The following ACSBG1 variants were observed in gnomAD, a reference collection of about 807,000 sequenced individuals.
ACSBG1 encodes long-chain-fatty-acid--CoA ligase ACSBG1.
ACSBG1 carries 39 observed loss-of-function variants against 80.2 expected under a neutral mutation model. The observed-to-expected ratio is 0.49, with a 90% CI of 0.38 to 0.64. The LOEUF (loss-of-function observed/expected upper bound fraction) is 0.64. ACSBG1 is among the 30% of genes least tolerant of loss of function. ACSBG1 has a pLI of 0.00. For missense variants in ACSBG1, 828 were observed against 966.4 expected (o/e 0.86, Z 1.90); for synonymous variants, 392 against 379.5 (o/e 1.03, Z -0.38).
At chr15:78,224,003 G>A (rs1038928628) in intron 1 of ACSBG1, among the ~76,000 whole-genome samples, 31 of 152,318 alleles carry the variant, frequency 2.0e-4, no homozygotes, top group African/African-American at 7.2e-4. Flanking sequence ...CCTGGAGGAA[G>A]AGCAGTCCTC....
chr15:78,220,599 A>G (rs2075352446), intron 1 of ACSBG1, among the ~76,000 whole-genome samples: 1 of 152,224 alleles, frequency 6.6e-6, no homozygotes. Flanking sequence ...TAGAATATAT[A>G]AGGAACTCTT....
Position 78,196,020 on chromosome 15 carries a change from C to T in ACSBG1, c.233-1294G>A, listed in dbSNP as rs918341165. ...GCCCATTCCTCCTCCTGTGGAGGGC[C>T]GGAAGTAGGGATGACAAGGACATAT... On this transcript the variant is annotated intron_variant, in intron 2 of 13. Coordinates refer to ENST00000258873, the MANE Select transcript of ACSBG1 (RefSeq NM_015162.5). Among the ~76,000 whole-genome samples, 11 of 152,302 alleles carry T rather than the reference C, an allele frequency of 7.2e-5. No individual in the cohort carries two copies. The East Asian group carries it at 7.7e-4, about 11-fold the overall frequency.
chr15:78,215,747 A>G (rs541831927), intron 1 of ACSBG1, among the ~76,000 whole-genome samples: 77 of 130,714 alleles, frequency 5.9e-4, no homozygotes, highest in African/African-American at 1.3e-3. Flanking sequence ...AGAAAGAAAG[A>G]AAGAAAGAAA....
chr15:78,168,891 A>C lies in ACSBG1; in HGVS notation c.*2553T>G, dbSNP rs554024573. 1 of 1,453,238 alleles carries C rather than the reference A, an allele frequency of 6.9e-7. No homozygotes were observed. Among genetic ancestry groups the C allele is most frequent in the South Asian group, 1.2e-5 (1 of 85,116 alleles). The allele number at this position is 1,453,238 out of a possible 1,614,324, so 90.0% of individuals were successfully genotyped here. A position where few individuals can be genotyped will look rare whatever the true frequency, so the allele number is the denominator to read the frequency against. On this transcript the variant is annotated 3_prime_UTR_variant, in exon 14 of 14. Transcript: ENST00000258873. Reference sequence around the variant, plus strand: ...TTGGTTTAGTTTAGTTTGCGGATACATCTTTTATTTTTGCTTTTTCCTTTT... The same window carrying C: ...TTGGTTTAGTTTAGTTTGCGGATACCTCTTTTATTTTTGCTTTTTCCTTTT...
chr15:78,202,522 T>C (rs971478793), intron 2 of ACSBG1, among the ~76,000 whole-genome samples: 7 of 152,196 alleles, frequency 4.6e-5, no homozygotes, highest in South Asian at 2.1e-4. Flanking sequence ...TCCTAGCCTC[T>C]TTCTAAGCTT....
intron 2 of ACSBG1, among the ~76,000 whole-genome samples, chr15:78,198,161 C>T (rs991949688): frequency 6.6e-6 from 1 of 152,022 alleles, no homozygotes; most frequent in Non-Finnish European, 1.5e-5. Context: ...CTCAGCCTCC[C>T]GAGTAGCTGG....
intron 2 of ACSBG1, among the ~76,000 whole-genome samples, chr15:78,199,318 C>G (rs1310997753): frequency 1.3e-5 from 2 of 151,882 alleles, no homozygotes; most frequent in African/African-American, 2.4e-5. Flanking sequence ...CTCCTGAGTT[C>G]AAACGATCCT....
At chr15:78,220,664 A>T (rs2075353030) in intron 1 of ACSBG1, among the ~76,000 whole-genome samples, 1 of 152,268 alleles carries the variant, frequency 6.6e-6, no homozygotes, top group Non-Finnish European at 1.5e-5. Flanking sequence ...AAAGGATTTG[A>T]ATAGACATTT....
At chr15:78,194,452 G>C in intron 3 of ACSBG1, 54 bp downstream of exon 3, 3 of 1,557,252 alleles carry the variant, frequency 1.9e-6, no homozygotes, top group Non-Finnish European at 2.6e-6. Context: ...GAGGCCCAGA[G>C]CTGGGAGGCA....
intron 2 of ACSBG1, chr15:78,207,690 G>T (rs2075228235): frequency 2.7e-6 from 1 of 366,780 alleles, no homozygotes; most frequent in Non-Finnish European, 5.0e-6. Context: ...CCCTTTGCTG[G>T]AGCCCCAAGT....
At position 78,194,498 on chromosome 15, in the gene ACSBG1, C is replaced by T; in HGVS notation, c.453+8G>A. On this transcript the variant is annotated splice_region_variant and intron_variant, in intron 3 of 13. Transcript: ENST00000258873. Reference sequence around the variant, plus strand: ...GGGGCAAGGCCTTGCCATGAGGGGCCCCCTTACCTTCAGGAAGCCCTTGGC... The same window carrying T: ...GGGGCAAGGCCTTGCCATGAGGGGCTCCCTTACCTTCAGGAAGCCCTTGGC... The T allele has an allele frequency of 1.2e-6, 2 of 1,613,746 alleles. No homozygotes were observed. The highest frequency in any genetic ancestry group is 1.7e-6 in the Non-Finnish European group (2 of 1,179,784).
Position 78,221,980 on chromosome 15 carries a change from C to T in ACSBG1, c.131+12391G>A, listed in dbSNP as rs563692328. Among the ~76,000 whole-genome samples the T allele has an allele frequency of 1.2e-4, 18 of 152,300 alleles. No homozygotes were observed. The South Asian group carries it at 3.5e-3, about 30-fold the overall frequency. On this transcript the variant is annotated intron_variant, in intron 1 of 13. Coordinates refer to ENST00000258873, the MANE Select transcript of ACSBG1 (RefSeq NM_015162.5). The stretch of plus-strand genomic sequence containing the variant: ...CTTTGTACAGATCAAAATGGAGTTT[C>T]TTATGTCTTCCTTTTCTACATAGAC...
At position 78,171,356 on chromosome 15, in the gene ACSBG1, TG is replaced by T; in HGVS notation, c.*87del. 1 of 1,111,930 alleles carries T rather than the reference TG, an allele frequency of 9.0e-7. No individual in the cohort carries two copies. The highest frequency in any genetic ancestry group is 1.3e-6 in the Non-Finnish European group (1 of 755,056). 68.9% of individuals were successfully genotyped at this position (1,111,930 alleles called of 1,614,324 possible). A position where few individuals can be genotyped will look rare whatever the true frequency, so the allele number is the denominator to read the frequency against. ...ATCTAACAGACTTGGCAGAAATGCCTGTGCCCAGACTGAAGAGACCTGGGGC... is the reference window on the plus strand; with the variant it reads ...ATCTAACAGACTTGGCAGAAATGCCTTGCCCAGACTGAAGAGACCTGGGGC... On this transcript the variant is annotated 3_prime_UTR_variant, in exon 14 of 14. Transcript: ENST00000258873.
In ACSBG1 at chr15:78,168,232, G is replaced by C. The variant is rs554311340; in HGVS notation, c.*3212C>G. The C allele has an allele frequency of 6.6e-6, 1 of 151,410 alleles. No homozygotes were observed. The highest frequency in any genetic ancestry group is 2.1e-4 in the South Asian group (1 of 4,768). 9.4% of individuals were successfully genotyped at this position (151,410 alleles called of 1,614,324 possible). On this transcript the variant is annotated 3_prime_UTR_variant, in exon 14 of 14. Transcript: ENST00000258873. The stretch of plus-strand genomic sequence containing the variant: ...AGCCTCTGAGTTCAAGACCAGCCTG[G>C]GCCACATAGTGAGACCCCGTCTCTT...
intron 1 of ACSBG1, among the ~76,000 whole-genome samples, chr15:78,210,851 C>T (rs757288194): frequency 5.3e-5 from 8 of 152,266 alleles, no homozygotes; most frequent in South Asian, 2.1e-4. Context: ...TGGGCTCAAG[C>T]GATCCTCTAG....
At chr15:78,207,923 A>ACCCCCCCCCCCCCCCCCCCCC in intron 2 of ACSBG1, 79 bp downstream of exon 2, 1 of 284,790 alleles carries the variant, frequency 3.5e-6, no homozygotes. Flanking sequence ...GTGGTCCCCC[A>ACCCCCCCCCCCCCCCCCCCCC]CACCACCCAC....
intron 3 of ACSBG1, 145 bp from the exon 4 acceptor site, chr15:78,194,165 G>T: frequency 2.5e-6 from 2 of 787,086 alleles, no homozygotes; most frequent in Non-Finnish European, 4.2e-6. Context: ...CCTTGGAGGA[G>T]AAGGGGTTGG....
At chr15:78,171,963 T>C (rs1322830570) in intron 13 of ACSBG1, 1 of 156,816 alleles carries the variant, frequency 6.4e-6, no homozygotes, top group Admixed American at 6.3e-5. Flanking sequence ...GGTTTCTGTC[T>C]TGGGCTTTCT....
chr15:78,221,114 GA>G (rs2075356496), intron 1 of ACSBG1, among the ~76,000 whole-genome samples: 1 of 152,206 alleles, frequency 6.6e-6, no homozygotes. Flanking sequence ...GAGAGACTGA[GA>G]AAAGAAATAA....
Sources: allele counts gnomAD v4.1 joint callset (sites outside exome capture counted in the v4.1 genomes callset), GRCh38; gene constraint gnomAD v4.1.1; transcripts MANE v1.5; gene names NCBI Gene and HGNC (gene_info 2026-07-23, HGNC 2026-07-21).